The following NFX1 variants were observed in gnomAD, a reference collection of about 807,000 sequenced individuals.
NFX1 encodes the protein transcriptional repressor NF-X1.
Under a neutral mutation model 137.2 loss-of-function variants are expected in NFX1, and 69 were observed. That is an observed-to-expected ratio of 0.50 (90% CI 0.41 to 0.61). NFX1 has a LOEUF of 0.61. NFX1 is among the 20% of genes least tolerant of loss of function. The pLI, the probability that NFX1 is intolerant of heterozygous loss-of-function variation, is 0.00. For synonymous variants in NFX1, 495 were observed against 474.1 expected (o/e 1.04, Z -0.57); for missense variants, 1,167 against 1,391.0 (o/e 0.84, Z 2.56).
At chr9:33,296,182 C>T (rs749939292) in intron 2 of NFX1, among the ~76,000 whole-genome samples, 1 of 152,170 alleles carries the variant, frequency 6.6e-6, no homozygotes, top group African/African-American at 2.4e-5. Flanking sequence ...CTCGGCTTCC[C>T]AAAGTGCTGA....
At chr9:33,337,528 T>A (rs1823051605) in intron 11 of NFX1, among the ~76,000 whole-genome samples, 1 of 152,098 alleles carries the variant, frequency 6.6e-6, no homozygotes, top group Admixed American at 6.6e-5. Context: ...CCGTTGCTAT[T>A]TTTTTTATTT....
chr9:33,347,409 T>C (rs1385886453), intron 15 of NFX1, among the ~76,000 whole-genome samples: 3 of 152,230 alleles, frequency 2.0e-5, no homozygotes, highest in African/African-American at 7.2e-5. Context: ...GTATACTCAA[T>C]GTCCCCTACT....
At chr9:33,302,087 CA>C (rs1039942312) in intron 3 of NFX1, among the ~76,000 whole-genome samples, 2 of 151,644 alleles carry the variant, frequency 1.3e-5, no homozygotes, top group African/African-American at 4.9e-5. Flanking sequence ...AACAAAAAAA[CA>C]TTTTTTTTTC....
chr9:33,359,088 T>A (rs1823909739), intron 19 of NFX1, among the ~76,000 whole-genome samples: 1 of 152,206 alleles, frequency 6.6e-6, no homozygotes, highest in African/African-American at 2.4e-5. Flanking sequence ...TAAATTCACT[T>A]ATTTCTGATA....
chr9:33,354,551 T>G lies in NFX1; in HGVS notation c.2832-300T>G, dbSNP rs575086498. Among the ~76,000 whole-genome samples the G allele has an allele frequency of 2.0e-4, 31 of 152,320 alleles. No individual in the cohort carries two copies. The East Asian group carries it at 5.0e-3, about 25-fold the overall frequency. ...GGGGCTGAGCAGCCAGGGAACACTC[T>G]GAGGCCACTGGAGGACTCCTAGACC... On this transcript the variant is annotated intron_variant, in intron 18 of 23. Coordinates refer to ENST00000379540, the MANE Select transcript of NFX1 (RefSeq NM_002504.6).
chr9:33,369,168 C>T (rs1824256230), intron 23 of NFX1, among the ~76,000 whole-genome samples: 1 of 152,100 alleles, frequency 6.6e-6, no homozygotes, highest in Non-Finnish European at 1.5e-5. Context: ...CGGGTTCATG[C>T]CATTCTCCTG....
At chr9:33,326,285 T>A (rs573911983) in intron 9 of NFX1, among the ~76,000 whole-genome samples, 59 of 152,180 alleles carry the variant, frequency 3.9e-4, no homozygotes, top group Middle Eastern at 6.8e-3. Context: ...TGGTGGCATA[T>A]GCCTGTGATC....
At chr9:33,309,166 G>A (rs964337774) in intron 5 of NFX1, among the ~76,000 whole-genome samples, 1 of 152,082 alleles carries the variant, frequency 6.6e-6, no homozygotes, top group African/African-American at 2.4e-5. Flanking sequence ...GACCATCCTG[G>A]CTAAGACGGT....
At chr9:33,329,307 T>C (rs908103704) in intron 10 of NFX1, among the ~76,000 whole-genome samples, 2 of 152,232 alleles carry the variant, frequency 1.3e-5, no homozygotes, top group Non-Finnish European at 2.9e-5. Flanking sequence ...TTATTGGTGC[T>C]CTATTGTGCA....
chr9:33,346,947 G>C lies in NFX1; in HGVS notation c.2345-91G>C, dbSNP rs1393965565. 9.6e-6 allele frequency: 9 copies of C among 940,518 alleles called. No individual in the cohort carries two copies. In the Admixed American group the frequency reaches 2.3e-4, roughly 24 times the overall value. 58.3% of individuals were successfully genotyped at this position (940,518 alleles called of 1,614,324 possible). A position where few individuals can be genotyped will look rare whatever the true frequency, so the allele number is the denominator to read the frequency against. On this transcript the variant is annotated intron_variant, in intron 14 of 23. Transcript: ENST00000379540. ...GTACTCCCAGTTTCTGAATTTAAAA[G>C]TTTCATGCCGTATGCCACTTATATG...
chr9:33,364,049 T>G lies in NFX1; in HGVS notation c.2913T>G (p.Asp971Glu). The part of the protein sequence containing the change: ...AEAFHISEDS[D>E]PFNIRSSGSK... ...CATTTCATATCAGTGAGGATTCTGA[T>G]CCTTTCAATATACGTTCTTCAGGGT... The change falls in exon 20 of 24, where the codon GAT (aspartate) becomes GAG (glutamate). Residue 971 changes from aspartate (D) to glutamate (E), a missense_variant. Asp to Glu is a conservative substitution (Grantham distance 45, BLOSUM62 2). Around this residue, in one of 3 missense-constraint regions of NFX1, gnomAD observed 312 missense variants for 312.8 expected, o/e 1.00. Coordinates refer to ENST00000379540, the MANE Select transcript of NFX1 (RefSeq NM_002504.6). 5 of 1,605,296 alleles carry G rather than the reference T, an allele frequency of 3.1e-6. No individual in the cohort carries two copies. Among genetic ancestry groups the G allele is most frequent in the Non-Finnish European group, 4.3e-6 (5 of 1,176,358 alleles).
intron 4 of NFX1, 45 bp downstream of exon 4, chr9:33,303,313 T>G: frequency 6.6e-7 from 1 of 1,523,134 alleles, no homozygotes; most frequent in Non-Finnish European, 9.1e-7. Context: ...CTACATACAT[T>G]GTACCTCAGT....
chr9:33,351,096 A>C (rs1301583136), intron 15 of NFX1, among the ~76,000 whole-genome samples: 2 of 152,202 alleles, frequency 1.3e-5, no homozygotes, highest in African/African-American at 4.8e-5. Context: ...GTGAGCCCCG[A>C]GATTGGCGCC....
intron 16 of NFX1, 149 bp downstream of exon 16, chr9:33,351,939 T>A (rs1025486527): frequency 2.8e-6 from 2 of 721,130 alleles, no homozygotes; most frequent in Non-Finnish European, 4.3e-6. Context: ...GTAGAGTAAG[T>A]CATACAAGTT....
intron 1 of NFX1, 91 bp from the exon 2 acceptor site, chr9:33,294,329 G>C: frequency 8.2e-7 from 1 of 1,220,080 alleles, no homozygotes; most frequent in Non-Finnish European, 1.1e-6. Context: ...AAAGTTCTAA[G>C]GAAAGTAATT....
At chr9:33,316,067 G>A (rs976065681) in intron 7 of NFX1, among the ~76,000 whole-genome samples, 2 of 152,130 alleles carry the variant, frequency 1.3e-5, no homozygotes, top group Non-Finnish European at 1.5e-5. Flanking sequence ...TTTCTGGTCT[G>A]TTCTCTGTGG....
In NFX1 at chr9:33,342,865, TTACTG is replaced by T; in HGVS notation, c.2224+14_2224+18del. On this transcript the variant is annotated intron_variant, in intron 13 of 23. Coordinates refer to ENST00000379540, the MANE Select transcript of NFX1 (RefSeq NM_002504.6). Reference sequence around the variant, plus strand: ...CATGCTGGCAAGCCAGTGAGTGTCTTTACTGTATAGTTTATTAGAAGAGTTTTTTA... The same window carrying T: ...CATGCTGGCAAGCCAGTGAGTGTCTTTATAGTTTATTAGAAGAGTTTTTTA... 1 of 1,569,694 alleles carries T rather than the reference TTACTG, an allele frequency of 6.4e-7. No individual in the cohort carries two copies. The highest frequency in any genetic ancestry group is 8.7e-7 in the Non-Finnish European group (1 of 1,144,208).
Position 33,295,193 on chromosome 9 carries a change from C to A in NFX1, c.799C>A (p.His267Asn). The A allele has an allele frequency of 6.2e-7, 1 of 1,614,096 alleles. No individual in the cohort carries two copies. The change falls in exon 2 of 24, where the codon CAC becomes AAC. Residue 267 changes from histidine to asparagine, a missense_variant. By Grantham distance (68) the His-to-Asn change is moderately conservative. Transcript: ENST00000379540. ...CAGAAATCCACCAAAACAGGAGGGC[C>A]ACCGACATACAAACGCAGGACACAG... ...PGRNPPKQEG[H>N]RHTNAGHRNN... is the part of the protein sequence containing the mutation.
chr9:33,320,959 G>A (rs1276509061), intron 9 of NFX1, among the ~76,000 whole-genome samples: 1 of 152,124 alleles, frequency 6.6e-6, no homozygotes, highest in Non-Finnish European at 1.5e-5. Flanking sequence ...CTGTCTTCTT[G>A]TATTTTAATA....
Sources: gnomAD v4.1 joint callset for allele counts (sites outside exome capture counted in the v4.1 genomes callset) on GRCh38, gnomAD v4.1.1 for gene constraint, gnomAD v4.1.1 regional missense constraint, MANE v1.5 for transcripts, NCBI Gene and HGNC (gene_info 2026-07-23, HGNC 2026-07-21) for gene names.